Variants in PFKP observed in about 807,000 individuals in gnomAD.
The protein encoded by PFKP is phosphofructokinase, platelet.
A neutral mutation model predicts 94.3 loss-of-function variants in PFKP; 101 were observed. The ratio of observed to expected loss-of-function variants is 1.07; its 90% CI spans 0.91 to 1.26. The LOEUF (loss-of-function observed/expected upper bound fraction) is 1.26. Ranked by LOEUF, PFKP falls within the 50% of genes most tolerant of loss-of-function variation. The pLI is 0.00. For synonymous variants in PFKP, 573 were observed against 432.6 expected (o/e 1.32, Z -4.03); for missense variants, 1,145 against 1,103.3 (o/e 1.04, Z -0.53).
chr10:3,076,143 G>A (rs940263081), intron 1 of PFKP, among the ~76,000 whole-genome samples: 1 of 151,546 alleles, frequency 6.6e-6, no homozygotes, highest in Admixed American at 6.6e-5. Context: ...GTTTTCCGTA[G>A]TAAGTCTTTG....
chr10:3,086,327 C>A (rs762481494), intron 2 of PFKP, among the ~76,000 whole-genome samples: 1 of 152,198 alleles, frequency 6.6e-6, no homozygotes, highest in East Asian at 1.9e-4. Context: ...AAGGAAATCA[C>A]TTCTCTTATT....
intron 2 of PFKP, among the ~76,000 whole-genome samples, chr10:3,086,836 T>C (rs1006318260): frequency 6.6e-6 from 1 of 152,200 alleles, no homozygotes; most frequent in Non-Finnish European, 1.5e-5. Flanking sequence ...CTGTGTGCTG[T>C]AGTCGCCCGT....
chr10:3,097,913 G>C (rs1834619917), intron 2 of PFKP, among the ~76,000 whole-genome samples: 1 of 152,206 alleles, frequency 6.6e-6, no homozygotes, highest in Admixed American at 6.5e-5. Context: ...GGAGGCTGAG[G>C]CAGGAGAATT....
chr10:3,125,770 G>A (rs762623570), intron 16 of PFKP, among the ~76,000 whole-genome samples: 6 of 152,222 alleles, frequency 3.9e-5, no homozygotes, highest in Non-Finnish European at 7.3e-5. Context: ...TCTGCCAGTC[G>A]TGGGTGTGGT....
intron 16 of PFKP, among the ~76,000 whole-genome samples, chr10:3,122,464 C>T (rs559155424): frequency 1.3e-5 from 2 of 152,318 alleles, no homozygotes; most frequent in East Asian, 1.9e-4. Context: ...TGTTTACTGA[C>T]GGCCGAACAG....
At chr10:3,081,743 A>T (rs1021406448) in intron 1 of PFKP, among the ~76,000 whole-genome samples, 1 of 148,408 alleles carries the variant, frequency 6.7e-6, no homozygotes, top group Admixed American at 6.8e-5. Flanking sequence ...ATATGATGAT[A>T]CATTGTAAGC....
chr10:3,136,154 C>T (rs1387868668), intron 21 of PFKP, among the ~76,000 whole-genome samples: 1 of 152,152 alleles, frequency 6.6e-6, no homozygotes, highest in Non-Finnish European at 1.5e-5. Context: ...GTCCCAGCTA[C>T]TCAGGAGGCT....
chr10:3,108,814 C>T (rs1161709674), intron 9 of PFKP, 21 bp downstream of exon 9: 2 of 1,529,508 alleles, frequency 1.3e-6, no homozygotes, highest in Admixed American at 3.3e-5. Flanking sequence ...AAGGGTTGGG[C>T]ATCTTCACAA....
chr10:3,100,862 C>CAAAATAA lies in PFKP; in HGVS notation c.265-499_265-498insTAAAAAA, dbSNP rs754923021. ...TAAAAGGGGCAGCGAGTATGTGGTGCAAAAAAAAAAAAAAAAAAAATCCCC... is the reference window on the plus strand; with the variant it reads ...TAAAAGGGGCAGCGAGTATGTGGTGCAAAATAAAAAAAAAAAAAAAAAAAAAATCCCC... On this transcript the variant is annotated intron_variant, in intron 3 of 21. Transcript: ENST00000381125. The CAAAATAA allele has an allele frequency of 2.0e-4, 132 of 657,200 alleles. 1 individual carries two copies. The highest frequency in any genetic ancestry group is 1.3e-3 in the African/African-American group (53 of 41,088). 40.7% of individuals were successfully genotyped at this position (657,200 alleles called of 1,614,324 possible). A position where few individuals can be genotyped will look rare whatever the true frequency, so the allele number is the denominator to read the frequency against.
At chr10:3,135,587 CT>C (rs1712901871) in intron 20 of PFKP, 148 bp from the exon 21 acceptor site, 2 of 574,288 alleles carry the variant, frequency 3.5e-6, no homozygotes, top group Admixed American at 3.0e-5. Flanking sequence ...GCTGGCCCCA[CT>C]GCGCGGCTGT....
chr10:3,095,674 G>T (rs1001253707), intron 2 of PFKP, among the ~76,000 whole-genome samples: 2 of 152,218 alleles, frequency 1.3e-5, no homozygotes, highest in Non-Finnish European at 2.9e-5. Context: ...TTTGGCTGTA[G>T]TAAGATAAAT....
intron 1 of PFKP, among the ~76,000 whole-genome samples, chr10:3,069,045 C>T (rs147808749): frequency 0.1 from 15,275 of 151,362 alleles, 803 homozygotes; most frequent in African/African-American, 0.13. Flanking sequence ...CCGCCACGAG[C>T]GCCTACGTGA....
intron 11 of PFKP, 22 bp from the exon 12 acceptor site, chr10:3,113,097 C>A (rs776011204): frequency 6.2e-7 from 1 of 1,608,804 alleles, no homozygotes; most frequent in Admixed American, 1.7e-5. Flanking sequence ...GACTCCGGTC[C>A]AACGACACCC....
chr10:3,116,723 A>G (rs1836859861), intron 13 of PFKP, 53 bp from the exon 14 acceptor site: 2 of 1,380,616 alleles, frequency 1.4e-6, no homozygotes, highest in African/African-American at 2.8e-5. Flanking sequence ...AGCACTTTGC[A>G]ACTTGCCTTT....
Position 3,113,411 on chromosome 10 carries a change from G to A in PFKP, c.1264G>A (p.Ala422Thr). ...AGCTGTCATCAACGTGGGGGCACCCGCGGCTGGGATGAACGCAGCCGTACG... is the reference window on the plus strand; with the variant it reads ...AGCTGTCATCAACGTGGGGGCACCCACGGCTGGGATGAACGCAGCCGTACG... Reference protein sequence around the residue: ...NVAVINVGAPAAGMNAAVRSA... With the variant: ...NVAVINVGAPTAGMNAAVRSA... The change falls in exon 13 of 22, where the codon GCG becomes ACG. Residue 422 changes from alanine to threonine, a missense_variant. By Grantham distance (58) the Ala-to-Thr change is moderately conservative. Around this residue, in one of 3 missense-constraint regions of PFKP, gnomAD observed 1,119 missense variants for 1,062.8 expected, o/e 1.05. Coordinates refer to ENST00000381125, the MANE Select transcript of PFKP (RefSeq NM_002627.5). The A allele has an allele frequency of 1.2e-6, 2 of 1,600,236 alleles. No individual in the cohort carries two copies. The highest frequency in any genetic ancestry group is 1.7e-6 in the Non-Finnish European group (2 of 1,171,326).
chr10:3,082,370 C>T lies in PFKP; in HGVS notation c.113-18C>T, dbSNP rs780256384. The T allele has an allele frequency of 6.3e-7, 1 of 1,597,612 alleles. No homozygotes were observed. The highest frequency in any genetic ancestry group is 8.6e-7 in the Non-Finnish European group (1 of 1,168,728). ...ACCCCGGGCTCTTCAGTGACTCTTG[C>T]TCCTGTTTCCACTGCAGGTATGAAC... On this transcript the variant is annotated intron_variant, in intron 1 of 21. Coordinates refer to ENST00000381125, the MANE Select transcript of PFKP (RefSeq NM_002627.5).
intron 2 of PFKP, among the ~76,000 whole-genome samples, chr10:3,098,991 C>T (rs1834736011): frequency 6.6e-6 from 1 of 152,146 alleles, no homozygotes. Flanking sequence ...AAACACGACC[C>T]TTTCAACCTC....
chr10:3,095,426 G>A (rs961617062), intron 2 of PFKP, among the ~76,000 whole-genome samples: 17 of 152,202 alleles, frequency 1.1e-4, no homozygotes, highest in African/African-American at 3.6e-4. Flanking sequence ...CCTGTGGCAT[G>A]TTCTTAGATG....
chr10:3,122,909 G>A (rs544886013), intron 16 of PFKP, among the ~76,000 whole-genome samples: 73 of 152,328 alleles, frequency 4.8e-4, no homozygotes, highest in South Asian at 2.1e-4. Flanking sequence ...GCTGCGGAAC[G>A]TCCCTCAGAG....
Sources: allele counts gnomAD v4.1 joint callset (sites outside exome capture counted in the v4.1 genomes callset), GRCh38; gene constraint gnomAD v4.1.1; regional missense constraint gnomAD v4.1.1; transcripts MANE v1.5; gene names NCBI Gene and HGNC (gene_info 2026-07-23, HGNC 2026-07-21).